NRCAM: variants seen among roughly 807,000 people sequenced by gnomAD.
The protein encoded by NRCAM is NgCAM-related cell adhesion molecule.
Under a neutral mutation model 156.5 loss-of-function variants are expected in NRCAM, and 83 were observed. That is an observed-to-expected ratio of 0.53 (90% confidence interval 0.44 to 0.64). NRCAM has a LOEUF of 0.64. Ranked by LOEUF, NRCAM falls within the 30% of genes least tolerant of loss-of-function variation. NRCAM has a pLI of 0.00. For missense variants in NRCAM, 1,417 were observed against 1,597.3 expected (o/e 0.89, Z 1.92); for synonymous variants, 538 against 563.9 (o/e 0.95, Z 0.65).
chr7:108,330,196 T>C (rs966264392), intron 2 of NRCAM, among the ~76,000 whole-genome samples: 2 of 152,256 alleles, frequency 1.3e-5, no homozygotes, highest in Non-Finnish European at 2.9e-5. Context: ...AATTTGTCCA[T>C]GTTTTCCTAT....
At chr7:108,253,446 C>T (rs1156623855) in intron 3 of NRCAM, among the ~76,000 whole-genome samples, 1 of 152,136 alleles carries the variant, frequency 6.6e-6, no homozygotes, top group Non-Finnish European at 1.5e-5. Context: ...AGAGGGAAGC[C>T]ATGAGTAAAG....
intron 2 of NRCAM, among the ~76,000 whole-genome samples, chr7:108,358,784 G>A (rs1444288702): frequency 2.0e-5 from 3 of 152,198 alleles, no homozygotes; most frequent in Admixed American, 6.5e-5. Flanking sequence ...CTGGGTATGT[G>A]AATGCGGCAG....
chr7:108,351,948 G>C (rs952128376), intron 2 of NRCAM, among the ~76,000 whole-genome samples: 1 of 152,208 alleles, frequency 6.6e-6, no homozygotes, highest in Non-Finnish European at 1.5e-5. Context: ...AGAATGCAGA[G>C]ACATCTGTGC....
chr7:108,366,400 T>A (rs1237960389), intron 2 of NRCAM, among the ~76,000 whole-genome samples: 2 of 152,226 alleles, frequency 1.3e-5, no homozygotes, highest in East Asian at 3.8e-4. Flanking sequence ...TGAAATGATA[T>A]ATTCTGAATG....
intron 1 of NRCAM, among the ~76,000 whole-genome samples, chr7:108,411,879 G>A (rs1025000875): frequency 3.3e-5 from 5 of 152,064 alleles, no homozygotes; most frequent in African/African-American, 7.2e-5. Flanking sequence ...CCTTAGTTTC[G>A]TAACCATTCC....
At chr7:108,289,163 T>C (rs2098204708) in intron 3 of NRCAM, among the ~76,000 whole-genome samples, 1 of 152,154 alleles carries the variant, frequency 6.6e-6, no homozygotes, top group African/African-American at 2.4e-5. Flanking sequence ...TTAAAAATCC[T>C]TTATACACTA....
At chr7:108,324,881 T>A (rs1018138021) in intron 2 of NRCAM, among the ~76,000 whole-genome samples, 10,723 of 90,848 alleles carry the variant, frequency 0.12, 767 homozygotes, top group African/African-American at 0.17. Context: ...ACTGTACTTT[T>A]TTTTTTTTTT....
At chr7:108,184,128 ATT>A (rs36044904) in intron 22 of NRCAM, 111 bp downstream of exon 22, 25,570 of 449,780 alleles carry the variant, frequency 0.057, 746 homozygotes, top group East Asian at 0.18. Context: ...ATATATATAT[ATT>A]TTTTTTCCCC....
At chr7:108,387,995 T>C (rs2099746857) in intron 2 of NRCAM, among the ~76,000 whole-genome samples, 1 of 152,190 alleles carries the variant, frequency 6.6e-6, no homozygotes, top group South Asian at 2.1e-4. Context: ...TCTTTGCTAT[T>C]GTGAATAGTG....
chr7:108,214,150 G>C (rs2086409770), intron 11 of NRCAM, among the ~76,000 whole-genome samples: 1 of 152,142 alleles, frequency 6.6e-6, no homozygotes, highest in African/African-American at 2.4e-5. Context: ...TCTGTTGCTT[G>C]GAATAGCTTC....
intron 3 of NRCAM, among the ~76,000 whole-genome samples, chr7:108,263,994 C>CT (rs200828735): frequency 0.014 from 2,193 of 151,382 alleles, 50 homozygotes; most frequent in African/African-American, 0.049. Context: ...ATCTTTGTTT[C>CT]TTTTTTTTTG....
At chr7:108,150,765 A>G (rs1467883847) in intron 32 of NRCAM, 4 of 530,536 alleles carry the variant, frequency 7.5e-6, no homozygotes, top group South Asian at 2.8e-5. Context: ...TAAGAAGAAA[A>G]GCAAAATCCT....
chr7:108,233,129 G>A (rs1325694689), intron 6 of NRCAM, among the ~76,000 whole-genome samples: 2 of 152,080 alleles, frequency 1.3e-5, no homozygotes, highest in Non-Finnish European at 2.9e-5. Flanking sequence ...TCCCTTGGGA[G>A]GTATGCCCAA....
intron 1 of NRCAM, among the ~76,000 whole-genome samples, chr7:108,421,777 T>C (rs1257067567): frequency 6.6e-6 from 1 of 152,218 alleles, no homozygotes; most frequent in East Asian, 1.9e-4. Flanking sequence ...TCTTCAATCA[T>C]CTTGTATTTC....
intron 3 of NRCAM, among the ~76,000 whole-genome samples, chr7:108,241,484 T>A (rs1439717880): frequency 2.0e-5 from 3 of 152,238 alleles, no homozygotes; most frequent in Non-Finnish European, 4.4e-5. Context: ...TAAACTGCTG[T>A]ACCTCCCACA....
chr7:108,198,313 C>T (rs559632795), intron 13 of NRCAM, among the ~76,000 whole-genome samples: 5 of 151,956 alleles, frequency 3.3e-5, no homozygotes, highest in African/African-American at 1.2e-4. Context: ...AGTCTTAAGT[C>T]GATTGATTCT....
At chr7:108,342,308 T>C (rs1211255657) in intron 2 of NRCAM, among the ~76,000 whole-genome samples, 2 of 152,328 alleles carry the variant, frequency 1.3e-5, no homozygotes, top group South Asian at 2.1e-4. Context: ...GCTAAATACT[T>C]AGGGCTAAAA....
intron 30 of NRCAM, among the ~76,000 whole-genome samples, chr7:108,164,838 C>T (rs1700903190): frequency 6.6e-6 from 1 of 152,158 alleles, no homozygotes; most frequent in Admixed American, 6.5e-5. Context: ...CCTGTCTCTC[C>T]ATCACTGGCA....
intron 3 of NRCAM, among the ~76,000 whole-genome samples, chr7:108,251,949 T>A (rs929916332): frequency 2.6e-5 from 4 of 151,810 alleles, no homozygotes; most frequent in African/African-American, 9.7e-5. Context: ...TAAAAAAAAA[T>A]TAAAAACAAA....
Sources: gnomAD v4.1 joint callset for allele counts (sites outside exome capture counted in the v4.1 genomes callset) on GRCh38, gnomAD v4.1.1 for gene constraint, MANE v1.5 for transcripts, NCBI Gene and HGNC (gene_info 2026-07-23, HGNC 2026-07-21) for gene names.